Variants in NKIRAS1 observed in about 807,000 individuals in gnomAD.
NKIRAS1 encodes NF-kappa-B inhibitor-interacting Ras-like protein 1.
NKIRAS1 carries 16 observed loss-of-function variants against 19.8 expected under a neutral mutation model. The observed-to-expected ratio is 0.81, with a 90% CI of 0.55 to 1.23. NKIRAS1 has a LOEUF of 1.23. Among genes scored for constraint, NKIRAS1 ranks in the 50% most tolerant of loss-of-function variants. NKIRAS1 has a pLI of 0.00. For synonymous variants in NKIRAS1, 88 were observed against 79.0 expected (o/e 1.11, Z -0.61); for missense variants, 184 against 220.0 (o/e 0.84, Z 1.04).
chr3:23,911,848 C>G (rs1267089613), intron 1 of NKIRAS1, among the ~76,000 whole-genome samples: 1 of 151,198 alleles, frequency 6.6e-6, no homozygotes, highest in Non-Finnish European at 1.5e-5. Flanking sequence ...CTGCAACCTC[C>G]GCTTCCCAAG....
chr3:23,903,419 G>A (rs1054091209), intron 3 of NKIRAS1, among the ~76,000 whole-genome samples: 6 of 151,918 alleles, frequency 3.9e-5, no homozygotes, highest in African/African-American at 1.4e-4. Flanking sequence ...TGGGCCTAGG[G>A]GTCCATTTTT....
At chr3:23,928,480 T>C (rs1705248360) in intron 1 of NKIRAS1, among the ~76,000 whole-genome samples, 2 of 151,878 alleles carry the variant, frequency 1.3e-5, no homozygotes, top group Non-Finnish European at 2.9e-5. Context: ...TACAGAAAAA[T>C]AAAGATCCTG....
chr3:23,896,134 C>CAAAAA (rs71057634), intron 4 of NKIRAS1, among the ~76,000 whole-genome samples: 4 of 49,178 alleles, frequency 8.1e-5, no homozygotes, highest in Admixed American at 2.6e-4. Flanking sequence ...GACTCCATCT[C>CAAAAA]AAAAAAAAAA....
chr3:23,922,068 C>T lies in NKIRAS1; in HGVS notation c.-139-10618G>A, dbSNP rs77544110. Reference sequence around the variant, plus strand: ...CGGTGGCTCACGCCTGCAATCCCAACACTTTCGGTAACCAAGGTGGGCTTG... The same window carrying T: ...CGGTGGCTCACGCCTGCAATCCCAATACTTTCGGTAACCAAGGTGGGCTTG... On this transcript the variant is annotated intron_variant, in intron 1 of 4. Transcript: ENST00000421515. This position sits in a 1 kb window ranked among gnomAD's most constrained non-coding sequence, Gnocchi z 4.2. The T allele has an allele frequency of 0.015, 2,316 of 155,876 alleles. 21 individuals are homozygous for T. The highest frequency in any genetic ancestry group is 0.024 in the Non-Finnish European group (1,655 of 70,368). 9.7% of individuals were successfully genotyped at this position (155,876 alleles called of 1,614,324 possible). A position where few individuals can be genotyped will look rare whatever the true frequency, so the allele number is the denominator to read the frequency against.
At chr3:23,946,108 C>T (rs1225299308) in intron 1 of NKIRAS1, 4 of 984,622 alleles carry the variant, frequency 4.1e-6, no homozygotes, top group Non-Finnish European at 4.8e-6. Context: ...GGGGCAGTGA[C>T]GTCGCCGCGA....
At chr3:23,944,612 C>T (rs564625969) in intron 1 of NKIRAS1, among the ~76,000 whole-genome samples, 10 of 152,104 alleles carry the variant, frequency 6.6e-5, no homozygotes, top group Admixed American at 5.9e-4. Flanking sequence ...GTACACCCGT[C>T]TAAAATCTGA....
At chr3:23,907,076 T>A (rs538151825) in intron 3 of NKIRAS1, among the ~76,000 whole-genome samples, 1 of 152,090 alleles carries the variant, frequency 6.6e-6, no homozygotes, top group East Asian at 1.9e-4. Context: ...ATATTTTTAG[T>A]AGAGATGGGG....
upstream of NKIRAS1, chr3:23,920,609 T>A (rs1461189894): frequency 1.0e-6 from 1 of 985,110 alleles, no homozygotes; most frequent in East Asian, 1.1e-4. Context: ...TTGCCCAATT[T>A]TAAATTCTGA....
At chr3:23,932,825 C>T (rs954169859) in intron 1 of NKIRAS1, among the ~76,000 whole-genome samples, 1 of 152,008 alleles carries the variant, frequency 6.6e-6, no homozygotes. Context: ...CCTCCAAAAT[C>T]TGCTTGATTT....
Position 23,916,985 on chromosome 3 carries a change from G to A in NKIRAS1, c.-341C>T, listed in dbSNP as rs1212344234. On this transcript the variant is annotated 5_prime_UTR_variant, in exon 1 of 5. Transcript: ENST00000425478. ...TCGAATCTTGCGGAGCAGGGGGCGG[G>A]ACAATAGCGGCCGCGGCGCCCCACT... 1 of 152,692 alleles carries A rather than the reference G, an allele frequency of 6.5e-6. No homozygotes were observed. Among genetic ancestry groups the A allele is most frequent in the Admixed American group, 6.5e-5 (1 of 15,298 alleles). 9.5% of individuals were successfully genotyped at this position (152,692 alleles called of 1,614,324 possible).
chr3:23,890,680 G>A lies in NKIRAS1; in HGVS notation c.*2415C>T. 9.1e-7 allele frequency: 1 copy of A among 1,100,348 alleles called. No individual in the cohort carries two copies. The highest frequency in any genetic ancestry group is 1.3e-6 in the Non-Finnish European group (1 of 760,142). 68.2% of individuals were successfully genotyped at this position (1,100,348 alleles called of 1,614,324 possible). On this transcript the variant is annotated 3_prime_UTR_variant, in exon 5 of 5. Transcript: ENST00000425478. ...TGCTTATGATTTTGAAGGGGTCAGG[G>A]AGGGTGGGAGTTGGTAAAGAGTAGG...
chr3:23,916,873 G>A lies in NKIRAS1; in HGVS notation c.-229C>T, dbSNP rs1004469262. 3 of 152,856 alleles carry A rather than the reference G, an allele frequency of 2.0e-5. No homozygotes were observed. The highest frequency in any genetic ancestry group is 7.2e-5 in the African/African-American group (3 of 41,480). The allele number at this position is 152,856 out of a possible 1,614,324, so 9.5% of individuals were successfully genotyped here. A position where few individuals can be genotyped will look rare whatever the true frequency, so the allele number is the denominator to read the frequency against. On this transcript the variant is annotated 5_prime_UTR_variant, in exon 1 of 5. Coordinates refer to ENST00000425478, the MANE Select transcript of NKIRAS1 (RefSeq NM_020345.4). ...CCTGGACCCCAACTTGCCTCCTCTC[G>A]CGGAGAGACAGTCGCCGACGCTCGC... is the stretch of plus-strand genomic sequence containing the variant.
chr3:23,898,461 G>A (rs74450759), intron 4 of NKIRAS1, among the ~76,000 whole-genome samples: 3 of 139,366 alleles, frequency 2.2e-5, no homozygotes, highest in Non-Finnish European at 3.1e-5. Flanking sequence ...TTTTTTTTCC[G>A]AGACAGAGTC....
chr3:23,896,897 C>A (rs767365438), intron 4 of NKIRAS1, among the ~76,000 whole-genome samples: 1 of 151,702 alleles, frequency 6.6e-6, no homozygotes, highest in Non-Finnish European at 1.5e-5. Context: ...GATAGTATGC[C>A]ACCTGGTGTG....
At chr3:23,919,081 G>T, upstream of NKIRAS1, 1 of 694,948 alleles carries the variant, frequency 1.4e-6, no homozygotes, top group Non-Finnish European at 2.5e-6. Context: ...TAAATAACTT[G>T]AGTAGTAAAA....
chr3:23,928,209 G>A (rs962473914), intron 1 of NKIRAS1, among the ~76,000 whole-genome samples: 15 of 151,722 alleles, frequency 9.9e-5, no homozygotes, highest in Non-Finnish European at 1.8e-4. Context: ...TGAGGCAGGA[G>A]AACCCAGGAG....
In NKIRAS1 at chr3:23,890,861, A is replaced by ATTTAGACATTT; in HGVS notation, c.*2223_*2233dup. 1 of 309,948 alleles carries ATTTAGACATTT rather than the reference A, an allele frequency of 3.2e-6. No homozygotes were observed. The highest frequency in any genetic ancestry group is 5.9e-6 in the Non-Finnish European group (1 of 169,756). The allele number at this position is 309,948 out of a possible 1,614,324, so 19.2% of individuals were successfully genotyped here. ...AAATGTAGTACAGAAAAGAATGTAC[A>ATTTAGACATTT]TTTAGACATTTGGGTTCAGTTGCTT... On this transcript the variant is annotated 3_prime_UTR_variant, in exon 5 of 5. Coordinates refer to ENST00000425478, the MANE Select transcript of NKIRAS1 (RefSeq NM_020345.4).
At chr3:23,899,265 A>G (rs796441759) in intron 4 of NKIRAS1, among the ~76,000 whole-genome samples, 35 of 152,312 alleles carry the variant, frequency 2.3e-4, no homozygotes, top group African/African-American at 8.2e-4. Context: ...CTGAATCAAC[A>G]CAAATACGGT....
chr3:23,910,546 T>C (rs1703595596), intron 3 of NKIRAS1, among the ~76,000 whole-genome samples: 1 of 152,256 alleles, frequency 6.6e-6, no homozygotes, highest in Non-Finnish European at 1.5e-5. Context: ...AAACCACATA[T>C]ATACAAAGGA....
Sources: gnomAD v4.1 joint callset for allele counts (sites outside exome capture counted in the v4.1 genomes callset) on GRCh38, gnomAD v4.1.1 for gene constraint, Gnocchi (gnomAD v3.1) non-coding constraint, MANE v1.5 for transcripts, NCBI Gene and HGNC (gene_info 2026-07-23, HGNC 2026-07-21) for gene names.